Variants in PTPRJ observed in about 807,000 individuals in gnomAD.
The protein encoded by PTPRJ is protein tyrosine phosphatase receptor type J.
In PTPRJ, 129 loss-of-function variants were observed where a neutral mutation model predicts 141.3. That is an observed-to-expected ratio of 0.91 (90% confidence interval 0.79 to 1.06). The LOEUF (loss-of-function observed/expected upper bound fraction) is 1.06, where lower values mean the gene tolerates loss of function less well. Ranked by LOEUF, PTPRJ falls within the 50% of genes least tolerant of loss-of-function variation. The probability of loss-of-function intolerance (pLI) is 0.00; values close to 1 mark genes in which losing one functional copy is unlikely to be tolerated. For missense variants in PTPRJ, 1,601 were observed against 1,679.7 expected (o/e 0.95, Z 0.82); for synonymous variants, 610 against 640.5 (o/e 0.95, Z 0.72).
In PTPRJ at chr11:47,980,740, C is replaced by T; in HGVS notation, c.-173C>T. ...CGGCGTGTGGCCGCGGCCGCCGCCG[C>T]CGCTGCCATGTCTCCGGGGAAGCCC... On this transcript the variant is annotated 5_prime_UTR_variant, in exon 1 of 25. Transcript: ENST00000418331. 1 of 1,010,918 alleles carries T rather than the reference C, an allele frequency of 9.9e-7. No individual in the cohort carries two copies. The allele number at this position is 1,010,918 out of a possible 1,614,324, so 62.6% of individuals were successfully genotyped here. A position where few individuals can be genotyped will look rare whatever the true frequency, so the allele number is the denominator to read the frequency against.
chr11:48,095,721 C>T (rs1230908598), intron 1 of PTPRJ, among the ~76,000 whole-genome samples: 1 of 151,998 alleles, frequency 6.6e-6, no homozygotes, highest in Non-Finnish European at 1.5e-5. Context: ...GCTGGGATTG[C>T]AGGTGCACGC....
chr11:48,166,834 C>CTACA (rs1441941469), intron 24 of PTPRJ, among the ~76,000 whole-genome samples: 5 of 152,188 alleles, frequency 3.3e-5, no homozygotes, highest in African/African-American at 1.2e-4. Flanking sequence ...GATTCTTACT[C>CTACA]TGTACAGTCT....
chr11:48,053,507 C>T (rs1590444553), intron 1 of PTPRJ, among the ~76,000 whole-genome samples: 4 of 113,964 alleles, frequency 3.5e-5, no homozygotes, highest in South Asian at 4.7e-4. Context: ...TATAACTTCA[C>T]GGAAACTCTG....
intron 18 of PTPRJ, among the ~76,000 whole-genome samples, 168 bp downstream of exon 18, chr11:48,150,351 A>G (rs1296550367): frequency 6.6e-6 from 1 of 152,206 alleles, no homozygotes; most frequent in Non-Finnish European, 1.5e-5. Flanking sequence ...GTGCAGTTAT[A>G]TTACTCACAG....
rs1422689010 is a variant in PTPRJ, at chr11:48,167,637, C to A, written c.*275C>A. 3.2e-6 allele frequency: 1 copy of A among 311,134 alleles called. No homozygotes were observed. Among genetic ancestry groups the A allele is most frequent in the Non-Finnish European group, 5.8e-6 (1 of 172,844 alleles). 19.3% of individuals were successfully genotyped at this position (311,134 alleles called of 1,614,324 possible). A position where few individuals can be genotyped will look rare whatever the true frequency, so the allele number is the denominator to read the frequency against. The stretch of plus-strand genomic sequence containing the variant: ...TTTCCCCCTTGAGGATTGTGGAAAA[C>A]CAGGAAAAGGGAGCTATGATTTTTT... On this transcript the variant is annotated 3_prime_UTR_variant, in exon 25 of 25. Coordinates refer to ENST00000418331, the MANE Select transcript of PTPRJ (RefSeq NM_002843.4).
At chr11:48,156,270 C>T (rs1393675967) in intron 21 of PTPRJ, 151 bp downstream of exon 21, 18 of 673,136 alleles carry the variant, frequency 2.7e-5, no homozygotes, top group African/African-American at 7.4e-5. Context: ...TTTTTTTCCC[C>T]ATAAGAGAAA....
At chr11:48,007,904 G>T (rs1854667604) in intron 1 of PTPRJ, among the ~76,000 whole-genome samples, 2 of 152,336 alleles carry the variant, frequency 1.3e-5, no homozygotes, top group South Asian at 4.1e-4. Context: ...GAGAGGGGAA[G>T]TGACTTGCCC....
Position 48,141,649 on chromosome 11 carries a change from A to C in PTPRJ, c.2444-1270A>C, listed in dbSNP as rs187727727. The stretch of plus-strand genomic sequence containing the variant: ...TGTGCAGCTCCCAAGGCCACACCTT[A>C]GAGTTCCACCACAGTCTCTTTCTCA... On this transcript the variant is annotated intron_variant, in intron 11 of 24. Transcript: ENST00000418331. 5.1e-4 allele frequency among the ~76,000 whole-genome samples: 78 copies of C among 152,244 alleles called. 1 individual carries two copies. Among genetic ancestry groups the C allele is most frequent in the Admixed American group, 5.0e-3 (77 of 15,286 alleles).
At chr11:48,142,892 A>C in intron 11 of PTPRJ, 27 bp from the exon 12 acceptor site, 2 of 1,599,850 alleles carry the variant, frequency 1.3e-6, no homozygotes, top group Non-Finnish European at 1.7e-6. Flanking sequence ...ATATTGGGTG[A>C]TCATGTTTTG....
At chr11:47,994,470 C>G (rs1233418279) in intron 1 of PTPRJ, among the ~76,000 whole-genome samples, 1 of 151,928 alleles carries the variant, frequency 6.6e-6, no homozygotes, top group Non-Finnish European at 1.5e-5. Context: ...CCCTGAGCAA[C>G]ATGGTGAAAC....
rs183084098 is a variant in PTPRJ at position 48,007,431 on chromosome 11, T to A, written c.96+26423T>A. Among the ~76,000 whole-genome samples the A allele has an allele frequency of 6.0e-4, 91 of 151,846 alleles. 1 individual carries two copies. The East Asian group carries it at 0.014, about 23-fold the overall frequency. On this transcript the variant is annotated intron_variant, in intron 1 of 24. Transcript: ENST00000418331. ...GCCAGGCCTTTTTCTTTTCTTTTTTTTTTCCTCACTGTGTCACCCAGACTG... is the reference window on the plus strand; with the variant it reads ...GCCAGGCCTTTTTCTTTTCTTTTTTATTTCCTCACTGTGTCACCCAGACTG...
In PTPRJ at chr11:48,144,771, A is replaced by G. The variant is rs533826195; in HGVS notation, c.2672A>G (p.Glu891Gly). The part of the protein sequence containing the change: ...TYVTYLIRTE[E>G]KGRSQSLSEV... The stretch of plus-strand genomic sequence containing the variant: ...GTGACATACCTCATAAGAACAGAAG[A>G]AAAGGGACGTTCTCAGAGCTTGTCT... The change falls in exon 13 of 25, where the codon GAA becomes GGA. Residue 891 changes from glutamate to glycine, a missense_variant. Transcript: ENST00000418331. The G allele has an allele frequency of 2.3e-5, 37 of 1,614,180 alleles. 1 individual carries two copies. The Middle Eastern group carries it at 6.6e-4, about 29-fold the overall frequency.
At chr11:48,113,099 A>C in intron 3 of PTPRJ, 116 bp downstream of exon 3, 2 of 846,622 alleles carry the variant, frequency 2.4e-6, no homozygotes, top group Non-Finnish European at 3.6e-6. Flanking sequence ...TCTTTTTAAA[A>C]ATTTTTATAA....
At position 48,003,889 on chromosome 11, in the gene PTPRJ, CAT is replaced by C. The variant is rs2134192917; in HGVS notation, c.96+22883_96+22884del. On this transcript the variant is annotated intron_variant, in intron 1 of 24. Coordinates refer to ENST00000418331, the MANE Select transcript of PTPRJ (RefSeq NM_002843.4). The stretch of plus-strand genomic sequence containing the variant: ...ACTTTTTGTCCGTGTGTGAGACTCA[CAT>C]AGAGGCTGTTTTCTGTGATCCTTTT... Among the ~76,000 whole-genome samples, 2 of 152,314 alleles carry C rather than the reference CAT, an allele frequency of 1.3e-5. 1 individual carries two copies. Among genetic ancestry groups the C allele is most frequent in the Admixed American group, 1.3e-4 (2 of 15,298 alleles).
At chr11:48,066,878 C>T (rs1480158348) in intron 1 of PTPRJ, among the ~76,000 whole-genome samples, 6 of 152,092 alleles carry the variant, frequency 3.9e-5, no homozygotes, top group Non-Finnish European at 7.4e-5. Context: ...GAGCCACCGC[C>T]CCCAGCCTTC....
chr11:48,084,852 A>G (rs1353748649), intron 1 of PTPRJ, among the ~76,000 whole-genome samples: 1 of 152,204 alleles, frequency 6.6e-6, no homozygotes, highest in Non-Finnish European at 1.5e-5. Flanking sequence ...TCACAGAGCC[A>G]TTCAAAGTGC....
chr11:48,105,497 G>T (rs1856265687), intron 1 of PTPRJ, among the ~76,000 whole-genome samples: 1 of 152,170 alleles, frequency 6.6e-6, no homozygotes, highest in Non-Finnish European at 1.5e-5. Context: ...AAGGCTGTTA[G>T]GCTGGGAATT....
intron 1 of PTPRJ, among the ~76,000 whole-genome samples, chr11:48,107,064 C>T (rs995506819): frequency 5.3e-5 from 8 of 151,996 alleles, no homozygotes; most frequent in Non-Finnish European, 7.4e-5. Context: ...CCACTGCTCC[C>T]GGCCTTAGTT....
intron 5 of PTPRJ, 32 bp from the exon 6 acceptor site, chr11:48,124,936 T>C (rs748230307): frequency 6.2e-7 from 1 of 1,605,134 alleles, no homozygotes; most frequent in African/African-American, 1.3e-5. Flanking sequence ...CTCTTGTGGT[T>C]GATGTCTTTT....
Sources: gnomAD v4.1 joint callset for allele counts (sites outside exome capture counted in the v4.1 genomes callset) on GRCh38, gnomAD v4.1.1 for gene constraint, MANE v1.5 for transcripts, NCBI Gene and HGNC (gene_info 2026-07-23, HGNC 2026-07-21) for gene names.